Variants in CARMIL1 observed in about 807,000 individuals in gnomAD.
CARMIL1 encodes the protein F-actin-uncapping protein LRRC16A.
A neutral mutation model predicts 177.1 loss-of-function variants in CARMIL1; 90 were observed. The observed-to-expected ratio is 0.51, with a 90% CI of 0.43 to 0.61. The LOEUF is 0.61. Among genes scored for constraint, CARMIL1 ranks in the 20% least tolerant of loss-of-function variants. CARMIL1 has a pLI of 0.00. For synonymous variants in CARMIL1, 577 were observed against 606.2 expected (o/e 0.95, Z 0.71); for missense variants, 1,380 against 1,667.0 (o/e 0.83, Z 3.00).
chr6:25,527,898 T>C (rs566131406), intron 23 of CARMIL1, among the ~76,000 whole-genome samples: 1 of 152,336 alleles, frequency 6.6e-6, no homozygotes, highest in South Asian at 2.1e-4. Flanking sequence ...ACCAGGGAAC[T>C]GCTGTGGCAA....
chr6:25,403,603 C>T (rs1794080503), intron 2 of CARMIL1, among the ~76,000 whole-genome samples: 1 of 152,206 alleles, frequency 6.6e-6, no homozygotes, highest in South Asian at 2.1e-4. Flanking sequence ...ATATTCTTGC[C>T]TCAGGGCCTT....
At chr6:25,594,279 C>T (rs1029752823) in intron 31 of CARMIL1, 136 bp from the exon 32 acceptor site, 14 of 574,664 alleles carry the variant, frequency 2.4e-5, no homozygotes, top group Non-Finnish European at 3.4e-5. Flanking sequence ...GCTTCTATTC[C>T]TGTAGATTAC....
At chr6:25,373,118 T>C (rs1790587383) in intron 2 of CARMIL1, among the ~76,000 whole-genome samples, 1 of 152,210 alleles carries the variant, frequency 6.6e-6, no homozygotes, top group African/African-American at 2.4e-5. Flanking sequence ...TGGTGAATTA[T>C]CTTTTTGATG....
intron 2 of CARMIL1, among the ~76,000 whole-genome samples, chr6:25,354,817 C>G (rs1017767088): frequency 6.6e-6 from 1 of 152,138 alleles, no homozygotes; most frequent in Non-Finnish European, 1.5e-5. Flanking sequence ...GGGAGGGAGT[C>G]TAATTTTGTT....
intron 20 of CARMIL1, among the ~76,000 whole-genome samples, chr6:25,513,285 G>C (rs1165341464): frequency 1.3e-5 from 2 of 152,110 alleles, no homozygotes; most frequent in Non-Finnish European, 2.9e-5. Context: ...AGCCTGAAGT[G>C]TTTTTAGTTG....
intron 2 of CARMIL1, among the ~76,000 whole-genome samples, chr6:25,291,503 G>A (rs9467457): frequency 0.03 from 4,531 of 152,236 alleles, 225 homozygotes; most frequent in African/African-American, 0.1. Context: ...TAGTTTGCCA[G>A]TCTCTAGTAC....
At chr6:25,353,725 C>T (rs1369981549) in intron 2 of CARMIL1, among the ~76,000 whole-genome samples, 1 of 152,124 alleles carries the variant, frequency 6.6e-6, no homozygotes, top group Non-Finnish European at 1.5e-5. Flanking sequence ...GATTCTTCAA[C>T]ATACTTAGCA....
intron 11 of CARMIL1, among the ~76,000 whole-genome samples, chr6:25,478,713 T>C (rs1273813992): frequency 6.6e-6 from 1 of 151,924 alleles, no homozygotes; most frequent in Non-Finnish European, 1.5e-5. Flanking sequence ...GGAGATTCCC[T>C]TGAACCTGGG....
At chr6:25,544,994 C>T (rs1212427157) in intron 26 of CARMIL1, among the ~76,000 whole-genome samples, 1 of 152,124 alleles carries the variant, frequency 6.6e-6, no homozygotes, top group Non-Finnish European at 1.5e-5. Flanking sequence ...CAGTTTCTCC[C>T]TTGCATTATG....
At position 25,315,573 on chromosome 6, in the gene CARMIL1, G is replaced by A. The variant is rs559362243; in HGVS notation, c.138+30664G>A. On this transcript the variant is annotated intron_variant, in intron 2 of 36. Transcript: ENST00000329474. ...TTTTCTCTCATCTCTTCCCCCACCCGCCATTGTTTTTTTGTGTTTCCTTCC... is the reference window on the plus strand; with the variant it reads ...TTTTCTCTCATCTCTTCCCCCACCCACCATTGTTTTTTTGTGTTTCCTTCC... 3.3e-4 allele frequency among the ~76,000 whole-genome samples: 48 copies of A among 143,360 alleles called. No homozygotes were observed. The South Asian group carries it at 0.01, about 31-fold the overall frequency. The allele number at this position is 143,360 out of a possible 152,430, so 94.0% of individuals were successfully genotyped here.
At chr6:25,392,516 T>TAC (rs1451325720) in intron 2 of CARMIL1, among the ~76,000 whole-genome samples, 1 of 152,228 alleles carries the variant, frequency 6.6e-6, no homozygotes, top group African/African-American at 2.4e-5. Context: ...TAAGCAGACC[T>TAC]ACTTCCTTCA....
Position 25,528,910 on chromosome 6 carries a change from C to T in CARMIL1, c.2067+17C>T. On this transcript the variant is annotated intron_variant, in intron 24 of 36. Transcript: ENST00000329474. The stretch of plus-strand genomic sequence containing the variant: ...ACCCAGCAGGTAAGCGAGCCAGTGC[C>T]TGTGACTTCTCCTTCTATTCTTAAC... 1 of 1,583,500 alleles carries T rather than the reference C, an allele frequency of 6.3e-7. No homozygotes were observed. Among genetic ancestry groups the T allele is most frequent in the Non-Finnish European group, 8.6e-7 (1 of 1,159,906 alleles).
chr6:25,598,237 T>G (rs1815041285), intron 32 of CARMIL1, among the ~76,000 whole-genome samples: 1 of 152,074 alleles, frequency 6.6e-6, no homozygotes. Flanking sequence ...TTTCTTAAAC[T>G]TCTATTATTA....
chr6:25,389,874 T>C (rs1792571156), intron 2 of CARMIL1, among the ~76,000 whole-genome samples: 1 of 152,206 alleles, frequency 6.6e-6, no homozygotes. Flanking sequence ...GAAAATTTTC[T>C]GTGTGAGACT....
At chr6:25,604,716 G>T in intron 33 of CARMIL1, 96 bp from the exon 34 acceptor site, 1 of 934,538 alleles carries the variant, frequency 1.1e-6, no homozygotes, top group Admixed American at 2.1e-5. Context: ...GAGTTAAAGA[G>T]CCCTTCTTTG....
At chr6:25,437,755 G>A (rs553008918) in intron 5 of CARMIL1, among the ~76,000 whole-genome samples, 51 of 152,282 alleles carry the variant, frequency 3.3e-4, no homozygotes, top group Non-Finnish European at 5.6e-4. Flanking sequence ...AAGCTGAGCC[G>A]TGCTCATCTC....
chr6:25,382,184 G>C (rs1398055821), intron 2 of CARMIL1, among the ~76,000 whole-genome samples: 4 of 152,030 alleles, frequency 2.6e-5, no homozygotes, highest in South Asian at 2.1e-4. Flanking sequence ...TGCAACCTCC[G>C]CCTTTCTGGT....
chr6:25,380,958 A>G (rs1197655438), intron 2 of CARMIL1, among the ~76,000 whole-genome samples: 1 of 152,084 alleles, frequency 6.6e-6, no homozygotes, highest in Non-Finnish European at 1.5e-5. Context: ...TCTTTCTACT[A>G]TATGTGTGTT....
At chr6:25,470,903 C>T (rs1296600377) in intron 9 of CARMIL1, among the ~76,000 whole-genome samples, 4 of 152,072 alleles carry the variant, frequency 2.6e-5, no homozygotes, top group Non-Finnish European at 5.9e-5. Context: ...TTTGGGAGGT[C>T]GGGGGACACA....
Sources: gnomAD v4.1 joint callset for allele counts (sites outside exome capture counted in the v4.1 genomes callset) on GRCh38, gnomAD v4.1.1 for gene constraint, MANE v1.5 for transcripts, NCBI Gene and HGNC (gene_info 2026-07-23, HGNC 2026-07-21) for gene names.